KIAA1328: variants seen among roughly 807,000 people sequenced by gnomAD.
KIAA1328 encodes protein hinderin.
Under a neutral mutation model 68.1 loss-of-function variants are expected in KIAA1328, and 52 were observed. The observed-to-expected ratio is 0.76, with a 90% CI of 0.61 to 0.96. The LOEUF (loss-of-function observed/expected upper bound fraction) is 0.96. Among genes scored for constraint, KIAA1328 ranks in the 40% least tolerant of loss-of-function variants. The pLI is 0.00. For synonymous variants in KIAA1328, 232 were observed against 239.4 expected (o/e 0.97, Z 0.28); for missense variants, 641 against 677.6 (o/e 0.95, Z 0.60).
chr18:37,043,050 G>A (rs1171328320), intron 6 of KIAA1328, among the ~76,000 whole-genome samples: 1 of 151,586 alleles, frequency 6.6e-6, no homozygotes, highest in East Asian at 1.9e-4. Context: ...TTAATTTTTT[G>A]TACTTTTCAA....
chr18:37,222,294 T>C lies in KIAA1328; in HGVS notation c.*67T>C, dbSNP rs2060579534. Reference sequence around the variant, plus strand: ...CATACTGATCTAGGATTTTAAATTATTTCATTGCAAAGTAATTGTGTCTCT... The same window carrying C: ...CATACTGATCTAGGATTTTAAATTACTTCATTGCAAAGTAATTGTGTCTCT... On this transcript the variant is annotated 3_prime_UTR_variant, in exon 10 of 10. Coordinates refer to ENST00000280020, the MANE Select transcript of KIAA1328 (RefSeq NM_020776.3). 6.5e-7 allele frequency: 1 copy of C among 1,536,970 alleles called. No individual in the cohort carries two copies. Among genetic ancestry groups the C allele is most frequent in the African/African-American group, 1.4e-5 (1 of 72,414 alleles).
chr18:36,968,618 G>A (rs992689591), intron 6 of KIAA1328, among the ~76,000 whole-genome samples: 3 of 152,086 alleles, frequency 2.0e-5, no homozygotes, highest in Non-Finnish European at 2.9e-5. Context: ...CTAACACAAG[G>A]CGACCCAGAT....
At chr18:36,831,107 C>T (rs1208565642) in intron 1 of KIAA1328, among the ~76,000 whole-genome samples, 10 of 152,178 alleles carry the variant, frequency 6.6e-5, no homozygotes, top group Non-Finnish European at 1.2e-4. Context: ...TCCCAGACCA[C>T]CCTAGAGCCT....
At chr18:36,836,735 T>G (rs899132836) in intron 3 of KIAA1328, among the ~76,000 whole-genome samples, 9 of 152,132 alleles carry the variant, frequency 5.9e-5, no homozygotes, top group African/African-American at 2.2e-4. Flanking sequence ...CAATCTAGTT[T>G]CGAAACATTT....
At chr18:37,077,422 C>G (rs1599177579) in intron 7 of KIAA1328, among the ~76,000 whole-genome samples, 1 of 149,108 alleles carries the variant, frequency 6.7e-6, no homozygotes, top group Non-Finnish European at 1.5e-5. Context: ...AAAACTGGCA[C>G]AAGACAGGGA....
chr18:37,014,881 A>G (rs112338630), intron 6 of KIAA1328, among the ~76,000 whole-genome samples: 2 of 152,272 alleles, frequency 1.3e-5, no homozygotes, highest in African/African-American at 4.8e-5. Context: ...TTACATTTAA[A>G]TATCCATCTT....
intron 6 of KIAA1328, among the ~76,000 whole-genome samples, chr18:37,053,654 G>T: frequency 6.6e-6 from 1 of 152,112 alleles, no homozygotes; most frequent in South Asian, 2.1e-4. Context: ...GTTCCACATG[G>T]CTTGGTAGGC....
intron 7 of KIAA1328, among the ~76,000 whole-genome samples, chr18:37,108,756 C>G (rs968192362): frequency 3.9e-5 from 6 of 152,074 alleles, no homozygotes; most frequent in Non-Finnish European, 7.4e-5. Flanking sequence ...GCCACAGACA[C>G]TGGTGTTTTT....
At chr18:37,073,255 A>G (rs2056596853) in intron 7 of KIAA1328, among the ~76,000 whole-genome samples, 1 of 152,220 alleles carries the variant, frequency 6.6e-6, no homozygotes, top group Non-Finnish European at 1.5e-5. Flanking sequence ...AAATTTTTGC[A>G]ATCTACCCAT....
At chr18:36,834,437 T>C in intron 2 of KIAA1328, 82 bp downstream of exon 2, 1 of 1,246,364 alleles carries the variant, frequency 8.0e-7, no homozygotes, top group Non-Finnish European at 1.1e-6. Flanking sequence ...AGAACAATGT[T>C]GCGGGTATAA....
intron 1 of KIAA1328, chr18:36,829,534 G>T: frequency 1.1e-6 from 1 of 933,202 alleles, no homozygotes; most frequent in Non-Finnish European, 1.3e-6. Flanking sequence ...AGTGCCCCCA[G>T]GCTGACTTGA....
rs914554309 is a variant in KIAA1328 at position 37,155,534 on chromosome 18, G to A, written c.1233-4666G>A. Among the ~76,000 whole-genome samples, 10 of 151,952 alleles carry A rather than the reference G, an allele frequency of 6.6e-5. No homozygotes were observed. In the East Asian group the frequency reaches 7.7e-4, roughly 12 times the overall value. ...ACTATGTCTTTCCGTTCCTACTACC[G>A]CTTCTCTATTGCAAACCTTCATCTC... On this transcript the variant is annotated intron_variant, in intron 7 of 9. Transcript: ENST00000280020.
intron 9 of KIAA1328, among the ~76,000 whole-genome samples, chr18:37,206,666 C>A (rs2060222082): frequency 6.6e-6 from 1 of 152,114 alleles, no homozygotes. Flanking sequence ...ATCTCTGGGG[C>A]CTTAGTGTTT....
chr18:36,918,745 A>G (rs1027136506), intron 5 of KIAA1328, among the ~76,000 whole-genome samples: 7 of 152,218 alleles, frequency 4.6e-5, no homozygotes, highest in African/African-American at 1.7e-4. Flanking sequence ...ATTTGAAGAT[A>G]TAAATATCCA....
At chr18:37,063,036 CTTT>C (rs570431713) in intron 6 of KIAA1328, among the ~76,000 whole-genome samples, 2 of 141,274 alleles carry the variant, frequency 1.4e-5, no homozygotes, top group Non-Finnish European at 3.1e-5. Flanking sequence ...GGCTGCATTC[CTTT>C]TTTTTTTTTT....
At chr18:36,875,729 C>T (rs1197540772) in intron 4 of KIAA1328, among the ~76,000 whole-genome samples, 1 of 152,180 alleles carries the variant, frequency 6.6e-6, no homozygotes, top group East Asian at 1.9e-4. Context: ...TGAGAGAGGG[C>T]ATCCTTGTCT....
intron 7 of KIAA1328, among the ~76,000 whole-genome samples, chr18:37,146,030 A>C (rs903393618): frequency 6.6e-5 from 10 of 151,614 alleles, no homozygotes; most frequent in African/African-American, 2.4e-4. Context: ...TTGTTTATTC[A>C]TTGCTGTTTC....
chr18:37,227,291 T>C (rs1942379490), downstream of KIAA1328, among the ~76,000 whole-genome samples: 2 of 152,332 alleles, frequency 1.3e-5, no homozygotes, highest in South Asian at 2.1e-4. Context: ...ATCTGGAAGA[T>C]CTACCTAGGA....
At chr18:37,066,338 G>T (rs1415628134) in intron 6 of KIAA1328, among the ~76,000 whole-genome samples, 1 of 152,142 alleles carries the variant, frequency 6.6e-6, no homozygotes, top group African/African-American at 2.4e-5. Flanking sequence ...TAACGCTTTT[G>T]ATTAGAATCC....
Sources: allele counts gnomAD v4.1 joint callset (sites outside exome capture counted in the v4.1 genomes callset), GRCh38; gene constraint gnomAD v4.1.1; transcripts MANE v1.5; gene names NCBI Gene and HGNC (gene_info 2026-07-23, HGNC 2026-07-21).